SENP3: variants seen among roughly 807,000 people sequenced by gnomAD.
SENP3 encodes sentrin-specific protease 3.
A neutral mutation model predicts 66.2 loss-of-function variants in SENP3; 11 were observed. The observed-to-expected ratio is 0.17, with a 90% CI of 0.10 to 0.28. The LOEUF (loss-of-function observed/expected upper bound fraction) is 0.28, where lower values mean the gene tolerates loss of function less well. SENP3 is among the 10% of genes least tolerant of loss of function. The pLI, the probability that SENP3 is intolerant of heterozygous loss-of-function variation, is 1.00. For synonymous variants in SENP3, 292 were observed against 277.6 expected, an observed-to-expected ratio of 1.05 and a Z score of -0.52; for missense variants, 548 against 743.7, an observed-to-expected ratio of 0.74 and a Z score of 3.06.
Position 7,570,985 on chromosome 17 carries a change from A to C in SENP3, c.1614+52A>C. 6.6e-7 allele frequency: 1 copy of C among 1,525,514 alleles called. No homozygotes were observed. Among genetic ancestry groups the C allele is most frequent in the South Asian group, 1.2e-5 (1 of 86,028 alleles). The allele number at this position is 1,525,514 out of a possible 1,614,324, so 94.5% of individuals were successfully genotyped here. ...CTAGCTCTGAAGTCAGTTGGGTTAA[A>C]GGGTCGGGAGGCTGTTATGCATCCC... On this transcript the variant is annotated intron_variant, in intron 10 of 10. Coordinates refer to ENST00000321337, the MANE Select transcript of SENP3 (RefSeq NM_015670.6). The surrounding 1 kb of genome is among the most constrained non-coding windows in gnomAD (Gnocchi z 5.4).
At chr17:7,567,152 G>A in intron 7 of SENP3, 148 bp downstream of exon 7, 1 of 677,584 alleles carries the variant, frequency 1.5e-6, no homozygotes, top group Non-Finnish European at 2.6e-6. Flanking sequence ...AGGATACAGT[G>A]TTAAATAAGG....
At chr17:7,564,357 C>G in intron 2 of SENP3, 1 of 602,188 alleles carries the variant, frequency 1.7e-6, no homozygotes, top group East Asian at 3.3e-5. Context: ...GACAAATATC[C>G]CGAAGTTTTC....
chr17:7,563,250 G>T lies in SENP3; in HGVS notation c.174G>T (p.Val58=). The T allele has an allele frequency of 1.3e-6, 2 of 1,559,894 alleles. No individual in the cohort carries two copies. The highest frequency in any genetic ancestry group is 1.7e-6 in the Non-Finnish European group (2 of 1,151,710). ...FGPDPGSGTT[V]PARRLPVPRP... Reference sequence around the variant, plus strand: ...CAGATCCTGGGTCAGGGACCACAGTGCCAGCCAGACGCCTCCCTGTCCCCC... The same window carrying T: ...CAGATCCTGGGTCAGGGACCACAGTTCCAGCCAGACGCCTCCCTGTCCCCC... Residue 58 remains valine (V), a synonymous_variant, in exon 2 of 11, where the codon GTG becomes GTT. Coordinates refer to ENST00000321337, the MANE Select transcript of SENP3 (RefSeq NM_015670.6).
intron 6 of SENP3, chr17:7,566,016 T>G: frequency 2.5e-6 from 1 of 402,830 alleles, no homozygotes. Flanking sequence ...CTATTGTAAC[T>G]ATTGTAAAAC....
Position 7,570,812 on chromosome 17 carries a change from A to T in SENP3, c.1563+48A>T. 2 of 1,602,262 alleles carry T rather than the reference A, an allele frequency of 1.2e-6. No homozygotes were observed. Among genetic ancestry groups the T allele is most frequent in the Non-Finnish European group, 1.7e-6 (2 of 1,173,280 alleles). On this transcript the variant is annotated intron_variant, in intron 9 of 10. Transcript: ENST00000321337. The surrounding 1 kb of genome is among the most constrained non-coding windows in gnomAD (Gnocchi z 5.4). ...ATAGGGTGTTGGTGGGGACAGTGGT[A>T]GAAGGCAGAAATTGAAGTCCTACCC...
At chr17:7,571,337 G>A (rs2150921861) in intron 10 of SENP3, 36 bp from the exon 11 acceptor site, 6 of 1,447,642 alleles carry the variant, frequency 4.1e-6, no homozygotes, top group Non-Finnish European at 3.9e-6. Context: ...GTCCTGACAC[G>A]GGGGGTTTCT....
rs1296823886 is a variant in SENP3, at chr17:7,562,396, C to G, written c.-12+133C>G. The G allele has an allele frequency of 2.5e-6, 1 of 395,920 alleles. No homozygotes were observed. Among genetic ancestry groups the G allele is most frequent in the Admixed American group, 4.4e-5 (1 of 22,666 alleles). The allele number at this position is 395,920 out of a possible 1,614,324, so 24.5% of individuals were successfully genotyped here. A position where few individuals can be genotyped will look rare whatever the true frequency, so the allele number is the denominator to read the frequency against. ...GCCCGTGTGCGCCGAGCCATCCAAG[C>G]TCGTGGGACCGGACTGGTGCCGGGT... On this transcript the variant is annotated intron_variant, in intron 1 of 10. Transcript: ENST00000321337. The surrounding 1 kb of genome is among the most constrained non-coding windows in gnomAD (Gnocchi z 5.0).
intron 7 of SENP3, among the ~76,000 whole-genome samples, chr17:7,569,742 AT>A (rs972774251): frequency 1.8e-3 from 272 of 152,276 alleles, no homozygotes; most frequent in African/African-American, 6.0e-3. Context: ...CACTTCTGCC[AT>A]TTCTTTCTTT....
chr17:7,565,816 C>A (rs906780379), intron 6 of SENP3, 52 bp downstream of exon 6: 2 of 1,542,686 alleles, frequency 1.3e-6, no homozygotes, highest in East Asian at 2.3e-5. Flanking sequence ...CAGTTTTAAG[C>A]AGCTTTTTAA....
chr17:7,562,204 G>A lies in SENP3; in HGVS notation c.-71G>A. ...CCGCCGTCGCCGGAGAGATGAGCCG[G>A]GAAGCTTGAGGCCGGAGACGCCCGC... On this transcript the variant is annotated 5_prime_UTR_variant, in exon 1 of 11. Transcript: ENST00000321337. The surrounding 1 kb of genome is among the most constrained non-coding windows in gnomAD (Gnocchi z 5.0). The A allele has an allele frequency of 2.5e-6, 1 of 398,636 alleles. No individual in the cohort carries two copies. The highest frequency in any genetic ancestry group is 4.4e-6 in the Non-Finnish European group (1 of 226,050). The allele number at this position is 398,636 out of a possible 1,614,324, so 24.7% of individuals were successfully genotyped here.
chr17:7,565,299 C>T (rs2071258976), intron 4 of SENP3, 141 bp from the exon 5 acceptor site: 2 of 996,390 alleles, frequency 2.0e-6, no homozygotes, highest in East Asian at 5.2e-5. Flanking sequence ...GGGGAGTGGG[C>T]CTTTCGCAGG....
At chr17:7,564,901 T>G in intron 3 of SENP3, 37 bp downstream of exon 3, 1 of 1,602,900 alleles carries the variant, frequency 6.2e-7, no homozygotes, top group Non-Finnish European at 8.5e-7. Flanking sequence ...CTCTCCCTTC[T>G]CCGACTCCTA....
chr17:7,571,058 G>A, intron 10 of SENP3, 125 bp downstream of exon 10: 1 of 832,750 alleles, frequency 1.2e-6, no homozygotes, highest in Non-Finnish European at 1.9e-6. Context: ...ATCTGTTTTA[G>A]AACACCAAAA....
At chr17:7,568,594 A>AG in intron 7 of SENP3, among the ~76,000 whole-genome samples, 1 of 152,132 alleles carries the variant, frequency 6.6e-6, no homozygotes. Context: ...GTCTCAAAAA[A>AG]GAAAAAAAAA....
chr17:7,563,009 C>A, intron 1 of SENP3, 57 bp from the exon 2 acceptor site: 2 of 1,368,508 alleles, frequency 1.5e-6, no homozygotes, highest in Non-Finnish European at 1.9e-6. Flanking sequence ...GGAAGAGAGG[C>A]AGGATCTGCG....
In SENP3 at chr17:7,562,332, C is replaced by T. The variant is rs943852166; in HGVS notation, c.-12+69C>T. ...TCCCATTCCTGGGCCTCGCTCCCAC[C>T]GAACCGGGGCCCAGAGGCCCGCATA... On this transcript the variant is annotated intron_variant, in intron 1 of 10. Coordinates refer to ENST00000321337, the MANE Select transcript of SENP3 (RefSeq NM_015670.6). This position sits in a 1 kb window ranked among gnomAD's most constrained non-coding sequence, Gnocchi z 5.0. 2 of 396,472 alleles carry T rather than the reference C, an allele frequency of 5.0e-6. No individual in the cohort carries two copies. The highest frequency in any genetic ancestry group is 8.9e-6 in the Non-Finnish European group (2 of 224,904). 24.6% of individuals were successfully genotyped at this position (396,472 alleles called of 1,614,324 possible). A position where few individuals can be genotyped will look rare whatever the true frequency, so the allele number is the denominator to read the frequency against.
At chr17:7,566,822 A>T in intron 6 of SENP3, 105 bp from the exon 7 acceptor site, 2 of 876,920 alleles carry the variant, frequency 2.3e-6, no homozygotes, top group African/African-American at 1.7e-5. Context: ...AAAAAAGAAA[A>T]AACCCAGAAT....
In SENP3 at chr17:7,561,954, G is replaced by A. The variant is rs780232663; in HGVS notation, c.-321G>A. ...AATCGTGCGCCACCGCTGCCGGTGG[G>A]CCCGGGGCTCGCGGGAGGGGAAGGA... On this transcript the variant is annotated 5_prime_UTR_variant, in exon 1 of 11. Coordinates refer to ENST00000321337, the MANE Select transcript of SENP3 (RefSeq NM_015670.6). The surrounding 1 kb of genome is among the most constrained non-coding windows in gnomAD (Gnocchi z 4.4). The A allele has an allele frequency of 3.0e-4, 117 of 392,700 alleles. No homozygotes were observed. Among genetic ancestry groups the A allele is most frequent in the Non-Finnish European group, 4.8e-4 (107 of 221,938 alleles). The allele number at this position is 392,700 out of a possible 1,614,324, so 24.3% of individuals were successfully genotyped here.
In SENP3 at chr17:7,570,931, C is replaced by G; in HGVS notation, c.1612C>G (p.Gln538Glu). 6.2e-7 allele frequency: 1 copy of G among 1,613,118 alleles called. No homozygotes were observed. The highest frequency in any genetic ancestry group is 8.5e-7 in the Non-Finnish European group (1 of 1,179,498). Reference sequence around the variant, plus strand: ...CAGTGACTGTGGTGCTTTTGTGTTGCAGGTAAGCAGATGATGGGGCCACCT... The same window carrying G: ...CAGTGACTGTGGTGCTTTTGTGTTGGAGGTAAGCAGATGATGGGGCCACCT... ...NDSDCGAFVL[Q>E]YCKHLALSQP... Residue 538 changes from glutamine (Q) to glutamate (E), a missense_variant and splice_region_variant, in exon 10 of 11, where the codon CAG becomes GAG. By Grantham distance (29) the Gln-to-Glu change is conservative (BLOSUM62 2). Transcript: ENST00000321337. This position sits in a 1 kb window ranked among gnomAD's most constrained non-coding sequence, Gnocchi z 5.4.
Sources: gnomAD v4.1 joint callset for allele counts (sites outside exome capture counted in the v4.1 genomes callset) on GRCh38, gnomAD v4.1.1 for gene constraint, Gnocchi (gnomAD v3.1) non-coding constraint, MANE v1.5 for transcripts, NCBI Gene and HGNC (gene_info 2026-07-23, HGNC 2026-07-21) for gene names.